SLC30A4: variants seen among roughly 807,000 people sequenced by gnomAD.
The protein encoded by SLC30A4 is probable proton-coupled zinc antiporter SLC30A4.
A neutral mutation model predicts 41.7 loss-of-function variants in SLC30A4; 20 were observed. That is an observed-to-expected ratio of 0.48 (90% confidence interval 0.34 to 0.70). The LOEUF is 0.70. SLC30A4 is among the 30% of genes least tolerant of loss of function. SLC30A4 has a pLI of 0.01. For missense variants in SLC30A4, 441 were observed against 529.3 expected, an observed-to-expected ratio of 0.83 and a Z score of 1.64; for synonymous variants, 181 against 195.9, an observed-to-expected ratio of 0.92 and a Z score of 0.64.
intron 3 of SLC30A4, among the ~76,000 whole-genome samples, chr15:45,500,317 T>C (rs761949532): frequency 1.3e-5 from 2 of 152,200 alleles, no homozygotes; most frequent in Non-Finnish European, 2.9e-5. Flanking sequence ...CATTATTTAC[T>C]TTTCACAATT....
chr15:45,486,651 G>A lies in SLC30A4; in HGVS notation c.1095C>T (p.Leu365=), dbSNP rs556721694. Reference sequence around the variant, plus strand: ...CTATGGCAGTAGATTTTCCTGAAGTGAGAGACCAGATATTTAAATCTTCGA... The same window carrying A: ...CTATGGCAGTAGATTTTCCTGAAGTAAGAGACCAGATATTTAAATCTTCGA... ...YSVEDLNIWS[L]TSGKSTAIVH... is the part of the protein sequence containing the mutation. The change falls in exon 7 of 8, where the codon CTC becomes CTT. Residue 365 remains leucine, a synonymous_variant. Transcript: ENST00000261867. 3.1e-6 allele frequency: 5 copies of A among 1,605,498 alleles called. No individual in the cohort carries two copies. In the African/African-American group the frequency reaches 4.0e-5, roughly 13 times the overall value.
chr15:45,501,880 A>G (rs1892042294), intron 3 of SLC30A4, among the ~76,000 whole-genome samples: 1 of 152,118 alleles, frequency 6.6e-6, no homozygotes, highest in African/African-American at 2.4e-5. Context: ...TAGGAGACAG[A>G]GTTTCATAAA....
In SLC30A4 at chr15:45,485,176, C is replaced by T. The variant is rs748697477; in HGVS notation, c.1277G>A (p.Ser426Asn). The change falls in exon 8 of 8, where the codon AGT becomes AAT. Residue 426 changes from serine to asparagine, a missense_variant. Physicochemically the swap from Ser to Asn is conservative, Grantham distance 46. Transcript: ENST00000261867. Reference sequence around the variant, plus strand: ...AAATACATAAAATTAGGGACTAGAACTCTGACAATTTGCACAAGTTCTGTC... The same window carrying T: ...AAATACATAAAATTAGGGACTAGAATTCTGACAATTTGCACAAGTTCTGTC... ...EVDRTCANCQ[S>N]SSP The T allele has an allele frequency of 8.7e-6, 14 of 1,612,056 alleles. No individual in the cohort carries two copies. Among genetic ancestry groups the T allele is most frequent in the Non-Finnish European group, 1.1e-5 (13 of 1,179,310 alleles).
At chr15:45,505,009 T>A (rs769466908) in intron 3 of SLC30A4, among the ~76,000 whole-genome samples, 1 of 151,822 alleles carries the variant, frequency 6.6e-6, no homozygotes, top group Non-Finnish European at 1.5e-5. Context: ...GGTGGGAGGA[T>A]CACATGAGGT....
intron 2 of SLC30A4, among the ~76,000 whole-genome samples, chr15:45,512,171 T>C (rs893951636): frequency 2.0e-5 from 3 of 152,232 alleles, no homozygotes; most frequent in African/African-American, 4.8e-5. Context: ...CATTGTTTCA[T>C]TGTGTGTCTG....
intron 3 of SLC30A4, among the ~76,000 whole-genome samples, chr15:45,501,097 G>A (rs1390916674): frequency 6.6e-6 from 1 of 151,544 alleles, no homozygotes; most frequent in South Asian, 2.1e-4. Flanking sequence ...CACGAGGTCC[G>A]GAGATCGAGA....
In SLC30A4 at chr15:45,479,893, G is replaced by A. The variant is rs1013164006; in HGVS notation, c.*5270C>T. 6.6e-6 allele frequency: 1 copy of A among 151,576 alleles called. No homozygotes were observed. The highest frequency in any genetic ancestry group is 2.1e-4 in the South Asian group (1 of 4,812). 9.4% of individuals were successfully genotyped at this position (151,576 alleles called of 1,614,324 possible). A position where few individuals can be genotyped will look rare whatever the true frequency, so the allele number is the denominator to read the frequency against. On this transcript the variant is annotated 3_prime_UTR_variant, in exon 8 of 8. Coordinates refer to ENST00000261867, the MANE Select transcript of SLC30A4 (RefSeq NM_013309.6). ...TCTTAATTAACATGGACAAACCCCA[G>A]CTTCAAAATCTTTCTAAAATCAATC...
Position 45,481,426 on chromosome 15 carries a change from C to G in SLC30A4, c.*3737G>C, listed in dbSNP as rs1891600746. Reference sequence around the variant, plus strand: ...TGGAATAATAGGTCTTTTCCTGAAACAGACCAAAAGGTTGCATCTGGCCAT... The same window carrying G: ...TGGAATAATAGGTCTTTTCCTGAAAGAGACCAAAAGGTTGCATCTGGCCAT... On this transcript the variant is annotated 3_prime_UTR_variant, in exon 8 of 8. Coordinates refer to ENST00000261867, the MANE Select transcript of SLC30A4 (RefSeq NM_013309.6). The G allele has an allele frequency of 6.6e-6, 1 of 152,208 alleles. No individual in the cohort carries two copies. Among genetic ancestry groups the G allele is most frequent in the Admixed American group, 6.5e-5 (1 of 15,278 alleles). 9.4% of individuals were successfully genotyped at this position (152,208 alleles called of 1,614,324 possible). A position where few individuals can be genotyped will look rare whatever the true frequency, so the allele number is the denominator to read the frequency against.
At position 45,493,806 on chromosome 15, in the gene SLC30A4, G is replaced by A. The variant is rs534668047; in HGVS notation, c.539-2925C>T. Among the ~76,000 whole-genome samples the A allele has an allele frequency of 3.3e-4, 50 of 151,948 alleles. 1 individual carries two copies. The highest frequency in any genetic ancestry group is 1.6e-4 in the Non-Finnish European group (11 of 67,990). ...TATGCCACTGCAACCCAGCCTGGCC[G>A]ACAGAGTGAGACTCTGTCTCAAAAA... On this transcript the variant is annotated intron_variant, in intron 3 of 7. Coordinates refer to ENST00000261867, the MANE Select transcript of SLC30A4 (RefSeq NM_013309.6).
At chr15:45,520,031 T>C (rs57668312) in intron 2 of SLC30A4, among the ~76,000 whole-genome samples, 12,885 of 152,108 alleles carry the variant, frequency 0.085, 1,815 homozygotes, top group African/African-American at 0.29. Flanking sequence ...ATTCAACAAG[T>C]TTATTGAGTA....
chr15:45,493,838 C>CA (rs199914892), intron 3 of SLC30A4, among the ~76,000 whole-genome samples: 48 of 151,024 alleles, frequency 3.2e-4, no homozygotes, highest in African/African-American at 5.3e-4. Flanking sequence ...AAAACAAAAA[C>CA]AAAAAAAACA....
At chr15:45,498,478 C>T (rs1344150939) in intron 3 of SLC30A4, among the ~76,000 whole-genome samples, 1 of 152,152 alleles carries the variant, frequency 6.6e-6, no homozygotes. Flanking sequence ...AGGCTAAAGA[C>T]ATCATAGAGG....
At chr15:45,485,875 G>A (rs974129460) in intron 7 of SLC30A4, among the ~76,000 whole-genome samples, 1 of 151,650 alleles carries the variant, frequency 6.6e-6, no homozygotes, top group Non-Finnish European at 1.5e-5. Flanking sequence ...GTGTCACCAC[G>A]ACTGGCTAAT....
intron 3 of SLC30A4, among the ~76,000 whole-genome samples, chr15:45,496,559 G>A (rs533499510): frequency 1.3e-5 from 2 of 152,138 alleles, no homozygotes; most frequent in Non-Finnish European, 1.5e-5. Context: ...AGGTAAATTC[G>A]TTTTTTTAAA....
At chr15:45,511,036 T>G (rs991248230) in intron 3 of SLC30A4, 102 bp downstream of exon 3, 97 of 916,018 alleles carry the variant, frequency 1.1e-4, no homozygotes, top group Admixed American at 9.2e-4. Context: ...TTTGCTTTGT[T>G]CAAACAAGAT....
At chr15:45,511,038 A>T in intron 3 of SLC30A4, 100 bp downstream of exon 3, 1 of 931,770 alleles carries the variant, frequency 1.1e-6, no homozygotes, top group Non-Finnish European at 1.6e-6. Context: ...TGCTTTGTTC[A>T]AACAAGATAT....
intron 2 of SLC30A4, among the ~76,000 whole-genome samples, chr15:45,520,554 C>T (rs1454317000): frequency 6.6e-6 from 1 of 152,136 alleles, no homozygotes; most frequent in African/African-American, 2.4e-5. Flanking sequence ...GGATTAAAGG[C>T]GTGAGCCACT....
At position 45,522,168 on chromosome 15, in the gene SLC30A4, T is replaced by A. The variant is rs373262854; in HGVS notation, c.187A>T (p.Asn63Tyr). The A allele has an allele frequency of 6.2e-7, 1 of 1,614,224 alleles. No individual in the cohort carries two copies. Among genetic ancestry groups the A allele is most frequent in the Non-Finnish European group, 8.5e-7 (1 of 1,180,040 alleles). The part of the protein sequence containing the change: ...DGSEAPERPV[N>Y]GAHPTLQADD... ...GCCTGGAGGGTCGGGTGCGCCCCGT[T>A]AACAGGCCTTTCCGGGGCTTCGGAA... The change falls in exon 2 of 8, where the codon AAC becomes TAC. Residue 63 changes from asparagine (N) to tyrosine (Y), a missense_variant. By Grantham distance (143) the Asn-to-Tyr change is moderately radical. Transcript: ENST00000261867.
chr15:45,510,923 T>C (rs1464487643), intron 3 of SLC30A4, among the ~76,000 whole-genome samples: 1 of 152,214 alleles, frequency 6.6e-6, no homozygotes, highest in African/African-American at 2.4e-5. Context: ...CTTTGAAGAT[T>C]AATGATCATC....
Sources: allele counts gnomAD v4.1 joint callset (sites outside exome capture counted in the v4.1 genomes callset), GRCh38; gene constraint gnomAD v4.1.1; transcripts MANE v1.5; gene names NCBI Gene and HGNC (gene_info 2026-07-23, HGNC 2026-07-21).